POLI: variants seen among roughly 807,000 people sequenced by gnomAD.
POLI encodes DNA polymerase iota, also known as RAD30 homolog B.
POLI carries 58 observed loss-of-function variants against 51.6 expected under a neutral mutation model. The ratio of observed to expected loss-of-function variants is 1.12; its 90% CI spans 0.91 to 1.40. The LOEUF is 1.40. Ranked by LOEUF, POLI falls within the 40% of genes most tolerant of loss-of-function variation. POLI has a pLI of 0.00. For missense variants in POLI, 921 were observed against 871.3 expected (o/e 1.06, Z -0.72); for synonymous variants, 322 against 299.7 (o/e 1.07, Z -0.77).
At chr18:54,313,847 T>C (rs138884089) in intron 3 of POLI, among the ~76,000 whole-genome samples, 87 of 152,300 alleles carry the variant, frequency 5.7e-4, no homozygotes, top group African/African-American at 2.0e-3. Flanking sequence ...TAGGAACTTT[T>C]TGGCAGAGAT....
At position 54,287,326 on chromosome 18, in the gene POLI, C is replaced by A; in HGVS notation, c.1113C>A (p.Ile371=). The A allele has an allele frequency of 1.9e-6, 3 of 1,587,796 alleles. No homozygotes were observed. Among genetic ancestry groups the A allele is most frequent in the Admixed American group, 1.7e-5 (1 of 57,706 alleles). ...AGCCTCATACAGTGAGATTAATAAT[C>A]CGTCGGTATTCCTCTGAGAAGCACT... is the stretch of plus-strand genomic sequence containing the variant. ...GRKPHTVRLI[I]RRYSSEKHYG... Residue 371 remains isoleucine, a synonymous_variant, in exon 8 of 10, where the codon ATC becomes ATA. Coordinates refer to ENST00000579534, the MANE Select transcript of POLI (RefSeq NM_007195.3).
rs1252379006 is a variant in POLI at position 54,317,184 on chromosome 18, T to G, written c.334-3089T>G. Among the ~76,000 whole-genome samples, 4 of 152,190 alleles carry G rather than the reference T, an allele frequency of 2.6e-5. No homozygotes were observed. In the East Asian group the frequency reaches 5.8e-4, roughly 22 times the overall value. ...GCTCCCTTGCCTTCTTATGAGAACA[T>G]ACAAAGGCTAGGCTGCTAGTGGATG... On this transcript the variant is annotated intron_variant, in intron 3 of 4. Transcript: ENST00000579823.
chr18:54,277,415 A>G (rs1412020779), intron 3 of POLI, among the ~76,000 whole-genome samples: 1 of 152,190 alleles, frequency 6.6e-6, no homozygotes, highest in East Asian at 1.9e-4. Flanking sequence ...TATTTAATGT[A>G]CTACAGATAT....
chr18:54,276,317 G>C (rs950333252), intron 3 of POLI, among the ~76,000 whole-genome samples: 4 of 152,060 alleles, frequency 2.6e-5, no homozygotes, highest in African/African-American at 9.7e-5. Flanking sequence ...GCTGTGGTGT[G>C]CTACTCCACT....
chr18:54,320,409 G>A (rs1220969366), intron 4 of POLI: 1 of 152,152 alleles, frequency 6.6e-6, no homozygotes, highest in Non-Finnish European at 1.5e-5. Flanking sequence ...GCCATGAAAA[G>A]ACCTAATTAT....
Position 54,291,920 on chromosome 18 carries a change from C to T in POLI, c.1286C>T (p.Thr429Ile). The T allele has an allele frequency of 6.2e-7, 1 of 1,608,582 alleles. No individual in the cohort carries two copies. The highest frequency in any genetic ancestry group is 1.1e-5 in the South Asian group (1 of 90,924). ...AATGTGAAGATGCCATTTCACCTTACCCTTCTAAGTGTGTGCTTCTGCAAC... is the reference window on the plus strand; with the variant it reads ...AATGTGAAGATGCCATTTCACCTTATCCTTCTAAGTGTGTGCTTCTGCAAC... ...MVNVKMPFHL[T>I]LLSVCFCNLK... Residue 429 changes from threonine to isoleucine, a missense_variant, in exon 9 of 10, where the codon ACC becomes ATC. By Grantham distance (89) the Thr-to-Ile change is moderately conservative. Coordinates refer to ENST00000579534, the MANE Select transcript of POLI (RefSeq NM_007195.3).
At chr18:54,307,810 G>A (rs1297783545) in intron 3 of POLI, among the ~76,000 whole-genome samples, 2 of 151,890 alleles carry the variant, frequency 1.3e-5, no homozygotes, top group African/African-American at 4.8e-5. Flanking sequence ...AGCTCTTCTT[G>A]TTGAATTGAT....
At chr18:54,276,022 A>C (rs190596682) in intron 3 of POLI, among the ~76,000 whole-genome samples, 1 of 150,594 alleles carries the variant, frequency 6.6e-6, no homozygotes, top group African/African-American at 2.4e-5. Context: ...TTTGGGCCCT[A>C]TATAATTATA....
chr18:54,311,634 A>G (rs1261784026), intron 3 of POLI, among the ~76,000 whole-genome samples: 1 of 152,208 alleles, frequency 6.6e-6, no homozygotes, highest in Middle Eastern at 3.2e-3. Flanking sequence ...TTCTACTTCA[A>G]TTGTCATCAA....
chr18:54,286,565 T>G (rs2087756237), intron 7 of POLI, among the ~76,000 whole-genome samples: 1 of 152,204 alleles, frequency 6.6e-6, no homozygotes, highest in Non-Finnish European at 1.5e-5. Context: ...AGAAAAAAGT[T>G]TGAAAAAAGT....
At chr18:54,272,131 T>A (rs927626339) in intron 2 of POLI, 4 of 152,204 alleles carry the variant, frequency 2.6e-5, no homozygotes, top group Non-Finnish European at 5.9e-5. Flanking sequence ...TAAAGAACAT[T>A]TTTGGTTCAC....
chr18:54,289,312 A>G lies in POLI; in HGVS notation c.1198+1901A>G, dbSNP rs1599225274. On this transcript the variant is annotated intron_variant, in intron 8 of 9. Transcript: ENST00000579534. ...TGATTGGCAAAGGTTTTGCTCAAAC[A>G]CTAGAGTCTGGAAGCCGTCTACCTC... Among the ~76,000 whole-genome samples, 3 of 151,618 alleles carry G rather than the reference A, an allele frequency of 2.0e-5. No individual in the cohort carries two copies. In the South Asian group the frequency reaches 6.2e-4, roughly 32 times the overall value.
Position 54,293,967 on chromosome 18 carries a change from A to G in POLI, c.1723A>G (p.Lys575Glu), listed in dbSNP as rs1329698192. 1 of 1,612,888 alleles carries G rather than the reference A, an allele frequency of 6.2e-7. No homozygotes were observed. The highest frequency in any genetic ancestry group is 1.3e-5 in the African/African-American group (1 of 74,898). Residue 575 changes from lysine to glutamate, a missense_variant, in exon 10 of 10, where the codon AAA becomes GAA. Lys to Glu is a moderately conservative substitution (Grantham distance 56). Coordinates refer to ENST00000579534, the MANE Select transcript of POLI (RefSeq NM_007195.3). ...AGGAGTATTATCTTTCTTTTCTAAA[A>G]AACAAATGCAAGATATTCCCATAAA... ...SRGVLSFFSKKQMQDIPINPR... is the reference protein window; with the variant it reads ...SRGVLSFFSKEQMQDIPINPR...
Position 54,274,083 on chromosome 18 carries a change from G to A in POLI, c.399G>A (p.Lys133=), listed in dbSNP as rs998614407. Residue 133 remains lysine (K), a synonymous_variant, in exon 3 of 10, where the codon AAG becomes AAA. Transcript: ENST00000579534. ...DLTRYREMSY[K]VTELLEEFSP... The stretch of plus-strand genomic sequence containing the variant: ...CCCGCTACAGAGAAATGTCTTATAA[G>A]GTTACAGGTACAAATGATAAGCAAT... 8.4e-6 allele frequency: 12 copies of A among 1,426,454 alleles called. No homozygotes were observed. Among genetic ancestry groups the A allele is most frequent in the Non-Finnish European group, 1.0e-5 (11 of 1,079,184 alleles). The allele number at this position is 1,426,454 out of a possible 1,614,324, so 88.4% of individuals were successfully genotyped here.
At chr18:54,300,133 C>T (rs2088467189), downstream of POLI, among the ~76,000 whole-genome samples, 1 of 152,050 alleles carries the variant, frequency 6.6e-6, no homozygotes, top group African/African-American at 2.4e-5. Context: ...CAGATCTACA[C>T]ACAGAAATGA....
intron 2 of POLI, among the ~76,000 whole-genome samples, chr18:54,272,447 GA>G (rs1419899269): frequency 6.6e-6 from 1 of 152,066 alleles, no homozygotes; most frequent in Admixed American, 6.5e-5. Context: ...GTTTTTGGGG[GA>G]AAACGAAAGT....
chr18:54,271,532 G>A, intron 2 of POLI, 47 bp downstream of exon 2: 1 of 1,295,996 alleles, frequency 7.7e-7, no homozygotes, highest in Non-Finnish European at 1.1e-6. Flanking sequence ...GATTAGATTA[G>A]CAACTCATCA....
At chr18:54,283,463 G>A (rs1349153176) in intron 6 of POLI, among the ~76,000 whole-genome samples, 2 of 152,062 alleles carry the variant, frequency 1.3e-5, no homozygotes, top group African/African-American at 4.8e-5. Flanking sequence ...AAGGTAGGTA[G>A]TACTGTTGTT....
downstream of POLI, among the ~76,000 whole-genome samples, chr18:54,302,431 C>T (rs959370204): frequency 6.6e-6 from 1 of 151,998 alleles, no homozygotes; most frequent in Non-Finnish European, 1.5e-5. Context: ...AAAAAAACTC[C>T]AACCTTTTGT....
Sources: allele counts gnomAD v4.1 joint callset (sites outside exome capture counted in the v4.1 genomes callset), GRCh38; gene constraint gnomAD v4.1.1; transcripts MANE v1.5; gene names NCBI Gene and HGNC (gene_info 2026-07-23, HGNC 2026-07-21).